The following GFRA1 variants were observed in gnomAD, a reference collection of about 807,000 sequenced individuals.
The protein encoded by GFRA1 is GDNF family receptor alpha 1, also known as GDNF family receptor alpha-1.
Under a neutral mutation model 51.6 loss-of-function variants are expected in GFRA1, and 16 were observed. The ratio of observed to expected loss-of-function variants is 0.31; its 90% confidence interval spans 0.21 to 0.47. The LOEUF (loss-of-function observed/expected upper bound fraction) is 0.47, where lower values mean the gene tolerates loss of function less well. Ranked by LOEUF, GFRA1 falls within the 20% of genes least tolerant of loss-of-function variation. The pLI is 1.00. For missense variants in GFRA1, 530 were observed against 594.3 expected, an observed-to-expected ratio of 0.89 and a Z score of 1.13; for synonymous variants, 270 against 241.3, an observed-to-expected ratio of 1.12 and a Z score of -1.10.
intron 7 of GFRA1, among the ~76,000 whole-genome samples, chr10:116,095,532 C>T (rs556124935): frequency 6.6e-6 from 1 of 152,244 alleles, no homozygotes; most frequent in Non-Finnish European, 1.5e-5. Context: ...GGAAGGTACA[C>T]TCATTGGCCC....
At chr10:116,191,208 G>C (rs1419193216) in intron 5 of GFRA1, among the ~76,000 whole-genome samples, 2 of 152,212 alleles carry the variant, frequency 1.3e-5, no homozygotes, top group East Asian at 3.8e-4. Context: ...CACAGTACTA[G>C]TTATGCTAGA....
At chr10:116,071,455 A>C (rs1399763791) in intron 9 of GFRA1, among the ~76,000 whole-genome samples, 1 of 152,220 alleles carries the variant, frequency 6.6e-6, no homozygotes, top group East Asian at 1.9e-4. Context: ...CCTTATTTGG[A>C]GGAGGCATAG....
intron 6 of GFRA1, among the ~76,000 whole-genome samples, chr10:116,115,042 G>C (rs1306067034): frequency 1.3e-5 from 2 of 152,180 alleles, no homozygotes; most frequent in African/African-American, 2.4e-5. Flanking sequence ...CTGGGGAAGG[G>C]AAAACAATCC....
At chr10:116,274,162 C>A (rs1844134931), upstream of GFRA1, among the ~76,000 whole-genome samples, 1 of 151,638 alleles carries the variant, frequency 6.6e-6, no homozygotes, top group Admixed American at 6.6e-5. Context: ...GTGCTGCTCA[C>A]CCCCCGCCCC....
At chr10:116,089,487 T>C (rs1174545194) in intron 9 of GFRA1, among the ~76,000 whole-genome samples, 2 of 151,942 alleles carry the variant, frequency 1.3e-5, no homozygotes, top group African/African-American at 4.8e-5. Flanking sequence ...CCTCATTGTA[T>C]AGGTAAAGAA....
intron 5 of GFRA1, among the ~76,000 whole-genome samples, chr10:116,189,886 C>A (rs951024565): frequency 6.6e-6 from 1 of 151,658 alleles, no homozygotes; most frequent in East Asian, 1.9e-4. Context: ...ATGCATTAGG[C>A]CAGGGTTTTT....
chr10:116,199,297 C>T (rs760572428), intron 5 of GFRA1, among the ~76,000 whole-genome samples: 4 of 152,192 alleles, frequency 2.6e-5, no homozygotes, highest in Non-Finnish European at 4.4e-5. Flanking sequence ...TCTCACCTGA[C>T]GCGCTGCAGC....
rs373900711 is a variant in GFRA1 at position 116,063,253 on chromosome 10, C to G, written c.*1145G>C. On this transcript the variant is annotated 3_prime_UTR_variant, in exon 11 of 11. Transcript: ENST00000355422. ...GCTGCAGAACATTTACAAGCAGCCA[C>G]CAGTTCCCTCCACAGGTATGCACGC... The G allele has an allele frequency of 6.6e-6, 1 of 152,234 alleles. No individual in the cohort carries two copies. The highest frequency in any genetic ancestry group is 2.1e-4 in the South Asian group (1 of 4,836). The allele number at this position is 152,234 out of a possible 1,614,324, so 9.4% of individuals were successfully genotyped here.
chr10:116,125,452 G>C lies in GFRA1; in HGVS notation c.539C>G (p.Thr180Ser), dbSNP rs1050293557. The change falls in exon 6 of 11, where the codon ACC becomes AGC. Residue 180 changes from threonine (T) to serine (S), a missense_variant. Coordinates refer to ENST00000355422, the MANE Select transcript of GFRA1 (RefSeq NM_005264.8). The part of the protein sequence containing the change: ...YRSAYITPCT[T>S]SVSNDVCNRR... ...GTTGCAGACATCGTTGGACACGCTGGTGGTGCACGGGGTGATGTACGCCGA... is the reference window on the plus strand; with the variant it reads ...GTTGCAGACATCGTTGGACACGCTGCTGGTGCACGGGGTGATGTACGCCGA... The C allele has an allele frequency of 2.5e-6, 4 of 1,614,034 alleles. No individual in the cohort carries two copies. Among genetic ancestry groups the C allele is most frequent in the African/African-American group, 2.7e-5 (2 of 74,950 alleles).
intron 5 of GFRA1, among the ~76,000 whole-genome samples, chr10:116,185,719 C>G (rs1962643564): frequency 6.6e-6 from 1 of 152,224 alleles, no homozygotes; most frequent in Admixed American, 6.5e-5. Flanking sequence ...CTGCTCCCCA[C>G]CCCAACTCCG....
At chr10:116,178,309 T>TGG (rs1565630493) in intron 5 of GFRA1, among the ~76,000 whole-genome samples, 6 of 146,732 alleles carry the variant, frequency 4.1e-5, no homozygotes, top group East Asian at 4.1e-4. Flanking sequence ...CGGGGGGGCG[T>TGG]TTTACTCCCC....
chr10:116,140,827 G>T (rs1238411884), intron 5 of GFRA1, among the ~76,000 whole-genome samples: 2 of 152,188 alleles, frequency 1.3e-5, no homozygotes, highest in Non-Finnish European at 2.9e-5. Flanking sequence ...GCCCTACATG[G>T]TCTTCTAAGG....
At chr10:116,129,823 C>T (rs1958030587) in intron 5 of GFRA1, among the ~76,000 whole-genome samples, 1 of 151,832 alleles carries the variant, frequency 6.6e-6, no homozygotes, top group Non-Finnish European at 1.5e-5. Flanking sequence ...TTCATTAATG[C>T]ATAAAATGTG....
At chr10:116,072,478 T>C (rs1955444255) in intron 9 of GFRA1, among the ~76,000 whole-genome samples, 1 of 152,108 alleles carries the variant, frequency 6.6e-6, no homozygotes, top group South Asian at 2.1e-4. Flanking sequence ...AGAGCACAGG[T>C]TGGCCAAGCA....
At chr10:116,174,151 A>G (rs1961346965) in intron 5 of GFRA1, among the ~76,000 whole-genome samples, 2 of 152,178 alleles carry the variant, frequency 1.3e-5, no homozygotes, top group Admixed American at 1.3e-4. Context: ...TTCTCAAAAA[A>G]AAAAAAAATT....
At chr10:116,162,125 T>C (rs895603315) in intron 5 of GFRA1, among the ~76,000 whole-genome samples, 1 of 152,194 alleles carries the variant, frequency 6.6e-6, no homozygotes, top group Non-Finnish European at 1.5e-5. Context: ...ATGCAGCCCA[T>C]ATCATGTTTC....
chr10:116,090,030 A>G (rs1956268475), intron 8 of GFRA1, 108 bp from the exon 9 acceptor site: 1 of 1,014,178 alleles, frequency 9.9e-7, no homozygotes, highest in Non-Finnish European at 1.5e-6. Context: ...ATAGCATTGG[A>G]CTTCTCTGAA....
chr10:116,155,407 C>T (rs76566934), intron 5 of GFRA1, among the ~76,000 whole-genome samples: 2,994 of 152,246 alleles, frequency 0.02, 43 homozygotes, highest in Middle Eastern at 0.058. Flanking sequence ...CCTGTTTTTC[C>T]TCATGGGGTG....
chr10:116,265,179 A>G (rs1271190723), intron 4 of GFRA1, among the ~76,000 whole-genome samples: 1 of 152,186 alleles, frequency 6.6e-6, no homozygotes, highest in African/African-American at 2.4e-5. Context: ...TGGAGATCCT[A>G]AGGCTTCCCG....
Sources: allele counts gnomAD v4.1 joint callset (sites outside exome capture counted in the v4.1 genomes callset), GRCh38; gene constraint gnomAD v4.1.1; transcripts MANE v1.5; gene names NCBI Gene and HGNC (gene_info 2026-07-23, HGNC 2026-07-21).